TBC1D22A: variants seen among roughly 807,000 people sequenced by gnomAD.
TBC1D22A encodes the protein putative GTPase activator.
A neutral mutation model predicts 60.2 loss-of-function variants in TBC1D22A; 38 were observed. The ratio of observed to expected loss-of-function variants is 0.63; its 90% CI spans 0.49 to 0.83. The LOEUF (loss-of-function observed/expected upper bound fraction) is 0.83, where lower values mean the gene tolerates loss of function less well. Among genes scored for constraint, TBC1D22A ranks in the 40% least tolerant of loss-of-function variants. The pLI is 0.00. For synonymous variants in TBC1D22A, 302 were observed against 281.7 expected (o/e 1.07, Z -0.72); for missense variants, 628 against 701.0 (o/e 0.90, Z 1.18).
chr22:46,799,507 A>G (rs1601913128), intron 4 of TBC1D22A, among the ~76,000 whole-genome samples: 1 of 152,156 alleles, frequency 6.6e-6, no homozygotes, highest in East Asian at 1.9e-4. Context: ...CTATTTTAAC[A>G]CTTGTATTAT....
chr22:46,933,571 T>C (rs2071472683), intron 8 of TBC1D22A, among the ~76,000 whole-genome samples: 1 of 151,922 alleles, frequency 6.6e-6, no homozygotes, highest in African/African-American at 2.4e-5. Flanking sequence ...CTCTCTGGCC[T>C]CTTCCACACA....
intron 8 of TBC1D22A, among the ~76,000 whole-genome samples, chr22:46,923,512 C>T (rs1469768464): frequency 6.6e-6 from 1 of 152,240 alleles, no homozygotes; most frequent in African/African-American, 2.4e-5. Flanking sequence ...GCTAGGGTCG[C>T]AGTGTCTAGG....
At chr22:46,881,305 C>T (rs905463661) in intron 5 of TBC1D22A, among the ~76,000 whole-genome samples, 3 of 152,110 alleles carry the variant, frequency 2.0e-5, no homozygotes, top group African/African-American at 7.2e-5. Context: ...GGCACTGTGT[C>T]GGGTGCTGGG....
At chr22:46,907,954 C>T (rs942269347) in intron 7 of TBC1D22A, among the ~76,000 whole-genome samples, 2 of 152,326 alleles carry the variant, frequency 1.3e-5, no homozygotes, top group South Asian at 2.1e-4. Flanking sequence ...GGCCCTGAGA[C>T]AGCCGCAGAG....
At chr22:46,780,321 A>C (rs1357322178) in intron 1 of TBC1D22A, among the ~76,000 whole-genome samples, 1 of 152,148 alleles carries the variant, frequency 6.6e-6, no homozygotes, top group Non-Finnish European at 1.5e-5. Flanking sequence ...TGTTTCATTT[A>C]TTTTATGATC....
At chr22:47,026,346 C>T (rs2148356054) in intron 10 of TBC1D22A, among the ~76,000 whole-genome samples, 1 of 152,296 alleles carries the variant, frequency 6.6e-6, no homozygotes, top group Middle Eastern at 3.4e-3. Context: ...TCCTTCTTTT[C>T]ACTTCTGTCC....
intron 11 of TBC1D22A, among the ~76,000 whole-genome samples, chr22:47,096,276 T>C (rs1335048927): frequency 2.0e-5 from 3 of 152,194 alleles, no homozygotes; most frequent in African/African-American, 7.2e-5. Flanking sequence ...ATCTTTTTAG[T>C]TCTTGCCCAT....
chr22:47,126,030 G>A (rs1428274018), intron 12 of TBC1D22A, among the ~76,000 whole-genome samples: 2 of 152,112 alleles, frequency 1.3e-5, no homozygotes, highest in African/African-American at 4.8e-5. Flanking sequence ...CGGCCAGGTT[G>A]GAGTGCAGTG....
At chr22:46,774,859 C>T (rs2083635768) in intron 1 of TBC1D22A, among the ~76,000 whole-genome samples, 1 of 152,210 alleles carries the variant, frequency 6.6e-6, no homozygotes, top group Non-Finnish European at 1.5e-5. Context: ...CCTCTTCCTT[C>T]TCATGTGCGC....
At chr22:47,125,165 C>G (rs1167949630) in intron 12 of TBC1D22A, among the ~76,000 whole-genome samples, 2 of 152,180 alleles carry the variant, frequency 1.3e-5, no homozygotes, top group Non-Finnish European at 2.9e-5. Flanking sequence ...GTCCCCGAGT[C>G]CCCAGGCTCC....
intron 10 of TBC1D22A, among the ~76,000 whole-genome samples, chr22:47,017,941 G>C (rs753280487): frequency 2.6e-5 from 4 of 152,190 alleles, no homozygotes; most frequent in Non-Finnish European, 2.9e-5. Context: ...CCTTTAATAC[G>C]TTCCATTCCT....
At chr22:46,783,405 C>T (rs893340746) in intron 1 of TBC1D22A, among the ~76,000 whole-genome samples, 34 of 152,276 alleles carry the variant, frequency 2.2e-4, no homozygotes, top group African/African-American at 6.0e-4. Flanking sequence ...AACTAGAAAG[C>T]GTTTCAGACA....
intron 11 of TBC1D22A, among the ~76,000 whole-genome samples, chr22:47,072,478 G>T (rs756306157): frequency 2.0e-5 from 3 of 152,258 alleles, no homozygotes; most frequent in Non-Finnish European, 1.5e-5. Context: ...TCCGTGGAGT[G>T]GCCTTCCCCT....
intron 10 of TBC1D22A, among the ~76,000 whole-genome samples, chr22:47,007,501 A>T (rs1173289976): frequency 6.6e-6 from 1 of 152,234 alleles, no homozygotes; most frequent in Non-Finnish European, 1.5e-5. Flanking sequence ...GCTTGGACCC[A>T]TAATAACATA....
intron 11 of TBC1D22A, among the ~76,000 whole-genome samples, chr22:47,045,710 A>T (rs1027885216): frequency 1.3e-5 from 2 of 152,110 alleles, no homozygotes; most frequent in Non-Finnish European, 2.9e-5. Context: ...GAACCAGAAC[A>T]GTCAATAAAA....
chr22:47,016,776 C>T (rs566813820), intron 10 of TBC1D22A, among the ~76,000 whole-genome samples: 74 of 152,326 alleles, frequency 4.9e-4, no homozygotes, highest in African/African-American at 1.7e-3. Context: ...AAGCTGCTGC[C>T]GCGGATGTCA....
At chr22:46,968,988 G>A (rs1040929146) in intron 8 of TBC1D22A, among the ~76,000 whole-genome samples, 2 of 152,156 alleles carry the variant, frequency 1.3e-5, no homozygotes, top group African/African-American at 4.8e-5. Flanking sequence ...GTCTCAGGCT[G>A]GACGTGGTGA....
At chr22:47,171,469 G>A (rs2068449314) in intron 12 of TBC1D22A, among the ~76,000 whole-genome samples, 2 of 152,166 alleles carry the variant, frequency 1.3e-5, no homozygotes, top group Admixed American at 1.3e-4. Flanking sequence ...AGAGCCCACA[G>A]GGCCATCTGA....
chr22:47,004,094 C>T (rs140329418), intron 10 of TBC1D22A, among the ~76,000 whole-genome samples: 1 of 149,480 alleles, frequency 6.7e-6, no homozygotes, highest in Non-Finnish European at 1.5e-5. Flanking sequence ...CACACACCCT[C>T]ATATACACAC....
Sources: gnomAD v4.1 joint callset for allele counts (sites outside exome capture counted in the v4.1 genomes callset) on GRCh38, gnomAD v4.1.1 for gene constraint, MANE v1.5 for transcripts, NCBI Gene and HGNC (gene_info 2026-07-23, HGNC 2026-07-21) for gene names.